THSD7B: variants seen among roughly 807,000 people sequenced by gnomAD.
THSD7B encodes thrombospondin type 1 domain containing 7B, also known as thrombospondin type-1 domain-containing protein 7B.
A neutral mutation model predicts 213.6 loss-of-function variants in THSD7B; 138 were observed. The ratio of observed to expected loss-of-function variants is 0.65; its 90% confidence interval spans 0.56 to 0.74. The LOEUF is 0.74. Ranked by LOEUF, THSD7B falls within the 30% of genes least tolerant of loss-of-function variation. THSD7B has a pLI of 0.00. For synonymous variants in THSD7B, 742 were observed against 687.0 expected (o/e 1.08, Z -1.25); for missense variants, 1,931 against 1,991.5 (o/e 0.97, Z 0.58).
At chr2:136,999,280 A>G (rs1252018022) in intron 2 of THSD7B, among the ~76,000 whole-genome samples, 1 of 152,152 alleles carries the variant, frequency 6.6e-6, no homozygotes, top group Non-Finnish European at 1.5e-5. Context: ...TACCCCTAAT[A>G]AACAGCAAAT....
chr2:136,856,585 C>T (rs1683183610), intron 1 of THSD7B, among the ~76,000 whole-genome samples: 1 of 151,478 alleles, frequency 6.6e-6, no homozygotes, highest in Non-Finnish European at 1.5e-5. Context: ...GAGATCTCAG[C>T]TCACCAAAAC....
chr2:137,477,272 TTTC>T (rs1422522473), intron 15 of THSD7B, among the ~76,000 whole-genome samples: 1 of 152,226 alleles, frequency 6.6e-6, no homozygotes, highest in Non-Finnish European at 1.5e-5. Context: ...ACTATTTTTC[TTTC>T]TTCTTACTGG....
intron 15 of THSD7B, among the ~76,000 whole-genome samples, chr2:137,541,947 T>A (rs1184982721): frequency 6.6e-6 from 1 of 151,356 alleles, no homozygotes; most frequent in Non-Finnish European, 1.5e-5. Context: ...AATGAGAGCC[T>A]CAGAAATCTA....
chr2:137,586,224 T>C (rs1488132369), intron 17 of THSD7B, among the ~76,000 whole-genome samples: 1 of 152,252 alleles, frequency 6.6e-6, no homozygotes, highest in Non-Finnish European at 1.5e-5. Context: ...TGAGCCTATG[T>C]GTGTCCCTGC....
chr2:137,059,927 T>C (rs34552791), intron 3 of THSD7B, among the ~76,000 whole-genome samples: 7,719 of 152,276 alleles, frequency 0.051, 240 homozygotes, highest in Admixed American at 0.076. Context: ...CAAGAGTATG[T>C]TTAGTTTTGT....
At chr2:137,456,279 T>A (rs1427318531) in intron 15 of THSD7B, among the ~76,000 whole-genome samples, 1 of 152,168 alleles carries the variant, frequency 6.6e-6, no homozygotes, top group African/African-American at 2.4e-5. Context: ...GATATACAAA[T>A]ATATTTTAGG....
chr2:137,085,663 C>T (rs758613313), intron 3 of THSD7B, among the ~76,000 whole-genome samples: 7 of 151,758 alleles, frequency 4.6e-5, no homozygotes, highest in Non-Finnish European at 7.4e-5. Flanking sequence ...GTGATGGTTC[C>T]ATAAAAGGAG....
intron 1 of THSD7B, among the ~76,000 whole-genome samples, chr2:136,854,221 C>T (rs1015644250): frequency 2.0e-5 from 3 of 152,118 alleles, no homozygotes; most frequent in African/African-American, 4.8e-5. Flanking sequence ...TACACACACA[C>T]ACTCTCACAC....
chr2:136,864,126 A>T (rs1683296090), intron 1 of THSD7B, among the ~76,000 whole-genome samples: 1 of 152,178 alleles, frequency 6.6e-6, no homozygotes, highest in Non-Finnish European at 1.5e-5. Flanking sequence ...CCTTCCTGGG[A>T]AAAACATTGT....
At chr2:137,049,990 G>A (rs1429087700) in intron 2 of THSD7B, among the ~76,000 whole-genome samples, 2 of 152,200 alleles carry the variant, frequency 1.3e-5, no homozygotes, top group East Asian at 1.9e-4. Flanking sequence ...TGGATTGGGT[G>A]TGTGTAAATA....
chr2:136,858,885 G>A (rs920266623), intron 1 of THSD7B, among the ~76,000 whole-genome samples: 11 of 152,100 alleles, frequency 7.2e-5, no homozygotes, highest in African/African-American at 2.2e-4. Flanking sequence ...AGTTGCTCCC[G>A]GCTTCCACTG....
At chr2:137,287,280 A>C (rs1683203264) in intron 12 of THSD7B, among the ~76,000 whole-genome samples, 1 of 152,168 alleles carries the variant, frequency 6.6e-6, no homozygotes, top group Admixed American at 6.6e-5. Context: ...AAGGAAGATC[A>C]GGTTAAAATG....
chr2:137,326,104 T>C (rs1346360928), intron 12 of THSD7B, among the ~76,000 whole-genome samples: 3 of 152,180 alleles, frequency 2.0e-5, no homozygotes, highest in Non-Finnish European at 2.9e-5. Context: ...TCAGTTTGGA[T>C]TCTTGACCTA....
At chr2:137,246,986 G>A (rs1238965000) in intron 10 of THSD7B, among the ~76,000 whole-genome samples, 2 of 152,076 alleles carry the variant, frequency 1.3e-5, no homozygotes, top group African/African-American at 4.8e-5. Context: ...ATTCTCCATA[G>A]GTGACTTATA....
At chr2:137,538,407 T>A (rs995372471) in intron 15 of THSD7B, 19 of 468,418 alleles carry the variant, frequency 4.1e-5, no homozygotes, top group South Asian at 3.0e-4. Flanking sequence ...AATTTTGCAT[T>A]ATAATAGCAG....
At chr2:137,058,156 G>A (rs755322025) in intron 3 of THSD7B, among the ~76,000 whole-genome samples, 18 of 151,436 alleles carry the variant, frequency 1.2e-4, no homozygotes, top group Non-Finnish European at 2.2e-4. Flanking sequence ...TATGAACAAA[G>A]TAATGTGATG....
chr2:137,580,525 G>T (rs573872118), intron 17 of THSD7B, among the ~76,000 whole-genome samples: 2 of 151,976 alleles, frequency 1.3e-5, no homozygotes, highest in African/African-American at 4.8e-5. Flanking sequence ...ATCCTTTCTT[G>T]ATATTCACAT....
At chr2:137,271,628 C>A (rs1462604264) in intron 10 of THSD7B, among the ~76,000 whole-genome samples, 1 of 151,544 alleles carries the variant, frequency 6.6e-6, no homozygotes, top group South Asian at 2.1e-4. Flanking sequence ...CTATACCCAC[C>A]TAGCACCGTG....
chr2:136,943,446 AG>A (rs1222871342), intron 2 of THSD7B, among the ~76,000 whole-genome samples: 4 of 152,344 alleles, frequency 2.6e-5, no homozygotes, highest in Admixed American at 2.6e-4. Flanking sequence ...GAATAGTTTC[AG>A]AAGGTATGGT....
Sources: gnomAD v4.1 joint callset for allele counts (sites outside exome capture counted in the v4.1 genomes callset) on GRCh38, gnomAD v4.1.1 for gene constraint, MANE v1.5 for transcripts, NCBI Gene and HGNC (gene_info 2026-07-23, HGNC 2026-07-21) for gene names.